The following ZNF236 variants were observed in gnomAD, a reference collection of about 807,000 sequenced individuals.
ZNF236 encodes the protein regulated by glucose.
Under a neutral mutation model 191.2 loss-of-function variants are expected in ZNF236, and 50 were observed. The observed-to-expected ratio is 0.26, with a 90% CI of 0.21 to 0.33. The LOEUF (loss-of-function observed/expected upper bound fraction) is 0.33, where lower values mean the gene tolerates loss of function less well. Ranked by LOEUF, ZNF236 falls within the 10% of genes least tolerant of loss-of-function variation. ZNF236 has a pLI of 1.00. For missense variants in ZNF236, 1,754 were observed against 2,374.5 expected (o/e 0.74, Z 5.43); for synonymous variants, 907 against 928.8 (o/e 0.98, Z 0.43).
chr18:76,847,760 GCC>G (rs1975738704), intron 1 of ZNF236, among the ~76,000 whole-genome samples: 1 of 152,216 alleles, frequency 6.6e-6, no homozygotes, highest in Non-Finnish European at 1.5e-5. Flanking sequence ...ACAGGCGTGA[GCC>G]CCTCCGCCCG....
intron 26 of ZNF236, among the ~76,000 whole-genome samples, chr18:76,938,016 A>C: frequency 6.6e-6 from 1 of 152,220 alleles, no homozygotes; most frequent in East Asian, 1.9e-4. Flanking sequence ...ACTGTAAAAA[A>C]GTCTATTCTT....
chr18:76,923,554 T>A (rs934908258), intron 21 of ZNF236, among the ~76,000 whole-genome samples: 7 of 152,218 alleles, frequency 4.6e-5, no homozygotes, highest in African/African-American at 1.7e-4. Flanking sequence ...TCATAATTAT[T>A]TTTATATGGG....
At chr18:76,874,579 G>T (rs1976664973) in intron 5 of ZNF236, among the ~76,000 whole-genome samples, 1 of 151,988 alleles carries the variant, frequency 6.6e-6, no homozygotes, top group Non-Finnish European at 1.5e-5. Flanking sequence ...ATGCTGAGAA[G>T]TCTGCAGAAA....
In ZNF236 at chr18:76,959,955, T is replaced by C. The variant is rs918551084; in HGVS notation, c.5242+139T>C. On this transcript the variant is annotated intron_variant, in intron 29 of 30. Coordinates refer to ENST00000320610, the MANE Select transcript of ZNF236 (RefSeq NM_001306089.2). Reference sequence around the variant, plus strand: ...AAGCAAGGTCCACATGTTCCATTTCTCCTGAGTTTTGACCTATTTATTGTC... The same window carrying C: ...AAGCAAGGTCCACATGTTCCATTTCCCCTGAGTTTTGACCTATTTATTGTC... 1.0e-5 allele frequency: 11 copies of C among 1,092,536 alleles called. No homozygotes were observed. The African/African-American group carries it at 1.4e-4, about 14-fold the overall frequency. 67.7% of individuals were successfully genotyped at this position (1,092,536 alleles called of 1,614,324 possible). A position where few individuals can be genotyped will look rare whatever the true frequency, so the allele number is the denominator to read the frequency against.
At chr18:76,868,530 A>G (rs1976485808) in intron 3 of ZNF236, among the ~76,000 whole-genome samples, 155 bp from the exon 4 acceptor site, 1 of 152,234 alleles carries the variant, frequency 6.6e-6, no homozygotes. Context: ...GGTGAAAGTG[A>G]TGCTTGTTCC....
At position 76,912,301 on chromosome 18, in the gene ZNF236, T is replaced by C. The variant is rs1310455950; in HGVS notation, c.2863T>C (p.Ser955Pro). The part of the protein sequence containing the change: ...QEELDLQAQG[S>P]QFLEDNEDQS... ...GGAACTGGACCTGCAGGCACAAGGT[T>C]CCCAGTTTCTGGAGGACAACGAGGA... Residue 955 changes from serine to proline, a missense_variant, in exon 17 of 31, where the codon TCC becomes CCC. Around this residue, in one of 5 missense-constraint regions of ZNF236, gnomAD observed 641 missense variants for 869.6 expected, o/e 0.74. Coordinates refer to ENST00000320610, the MANE Select transcript of ZNF236 (RefSeq NM_001306089.2). 1 of 1,614,116 alleles carries C rather than the reference T, an allele frequency of 6.2e-7. No homozygotes were observed. Among genetic ancestry groups the C allele is most frequent in the African/African-American group, 1.3e-5 (1 of 74,942 alleles).
intron 1 of ZNF236, among the ~76,000 whole-genome samples, chr18:76,842,768 G>A (rs1489779153): frequency 3.3e-5 from 5 of 151,240 alleles, no homozygotes; most frequent in South Asian, 2.1e-4. Context: ...AAAAAAAAGC[G>A]ATACCATTCA....
At chr18:76,873,939 T>C (rs1435259411) in intron 5 of ZNF236, among the ~76,000 whole-genome samples, 1 of 150,488 alleles carries the variant, frequency 6.6e-6, no homozygotes, top group Non-Finnish European at 1.5e-5. Context: ...ACACTCTCAC[T>C]GTGCCTCCTG....
intron 22 of ZNF236, among the ~76,000 whole-genome samples, chr18:76,926,386 T>C (rs1967677872): frequency 6.6e-6 from 1 of 152,186 alleles, no homozygotes; most frequent in Non-Finnish European, 1.5e-5. Flanking sequence ...GTATCTGTTT[T>C]ACAGAGTTGT....
intron 26 of ZNF236, among the ~76,000 whole-genome samples, chr18:76,945,965 T>C (rs1968250346): frequency 6.6e-6 from 1 of 151,410 alleles, no homozygotes; most frequent in Non-Finnish European, 1.5e-5. Context: ...CTGTATGTTT[T>C]TGGCTTCTAT....
intron 3 of ZNF236, among the ~76,000 whole-genome samples, chr18:76,854,511 C>T (rs773211231): frequency 1.3e-5 from 2 of 150,176 alleles, no homozygotes; most frequent in African/African-American, 2.5e-5. Context: ...GCTTGTAATC[C>T]GAGCACTTTG....
rs8094350 is a variant in ZNF236, at chr18:76,936,362, G to A, written c.4595-794G>A. 214 of 456,682 alleles carry A rather than the reference G, an allele frequency of 4.7e-4. 1 individual carries two copies. The highest frequency in any genetic ancestry group is 3.0e-3 in the African/African-American group (152 of 50,176). 28.3% of individuals were successfully genotyped at this position (456,682 alleles called of 1,614,324 possible). ...TACTTTCAACGTTGTGTTCACTGGT[G>A]CCCACTACAGGACTTTGATAATCCC... is the stretch of plus-strand genomic sequence containing the variant. On this transcript the variant is annotated intron_variant, in intron 25 of 30. Coordinates refer to ENST00000320610, the MANE Select transcript of ZNF236 (RefSeq NM_001306089.2).
chr18:76,958,325 C>T (rs1968573706), intron 28 of ZNF236, among the ~76,000 whole-genome samples: 1 of 152,190 alleles, frequency 6.6e-6, no homozygotes, highest in Non-Finnish European at 1.5e-5. Context: ...CCTAACTGCA[C>T]CCTTCGAGGA....
At chr18:76,941,799 AT>A (rs1485374146) in intron 26 of ZNF236, among the ~76,000 whole-genome samples, 1 of 152,230 alleles carries the variant, frequency 6.6e-6, no homozygotes, top group Non-Finnish European at 1.5e-5. Context: ...ATTAGCATGC[AT>A]TGTCCAACAA....
chr18:76,902,636 A>AT (rs1352764234), intron 11 of ZNF236, among the ~76,000 whole-genome samples: 1 of 151,986 alleles, frequency 6.6e-6, no homozygotes, highest in East Asian at 1.9e-4. Context: ...CAATGGTACG[A>AT]TCTCGGCTCA....
At chr18:76,824,113 T>TA in intron 1 of ZNF236, 2 of 569,808 alleles carry the variant, frequency 3.5e-6, no homozygotes, top group Non-Finnish European at 3.1e-6. Context: ...TGAGGCTCAT[T>TA]AAAGAGCTTG....
intron 25 of ZNF236, among the ~76,000 whole-genome samples, chr18:76,931,467 A>G (rs1967844474): frequency 6.6e-6 from 1 of 152,212 alleles, no homozygotes. Context: ...ATGAAAGTAA[A>G]TAATTTTATT....
rs765492979 is a variant in ZNF236 at position 76,905,290 on chromosome 18, C to T, written c.2172C>T (p.Phe724=). ...SFKCLICNGA[F]TTGGSLRRHM... is the part of the protein sequence containing the mutation. ...AGTGTCTGATATGTAATGGGGCTTT[C>T]ACTACTGGTGGCAGCTTACGGCGAC... Residue 724 remains phenylalanine (F), a synonymous_variant, in exon 13 of 31, where the codon TTC becomes TTT. Coordinates refer to ENST00000320610, the MANE Select transcript of ZNF236 (RefSeq NM_001306089.2). 15 of 1,614,084 alleles carry T rather than the reference C, an allele frequency of 9.3e-6. No homozygotes were observed. The highest frequency in any genetic ancestry group is 6.7e-5 in the African/African-American group (5 of 74,930).
At chr18:76,896,884 C>G (rs761001022) in intron 10 of ZNF236, among the ~76,000 whole-genome samples, 5 of 151,772 alleles carry the variant, frequency 3.3e-5, no homozygotes, top group Non-Finnish European at 5.9e-5. Flanking sequence ...CTACCAAACA[C>G]AGTACTGCAT....
Sources: gnomAD v4.1 joint callset for allele counts (sites outside exome capture counted in the v4.1 genomes callset) on GRCh38, gnomAD v4.1.1 for gene constraint, gnomAD v4.1.1 regional missense constraint, MANE v1.5 for transcripts, NCBI Gene and HGNC (gene_info 2026-07-23, HGNC 2026-07-21) for gene names.